The following TMEM132D variants were observed in gnomAD, a reference collection of about 807,000 sequenced individuals.
TMEM132D encodes mature OL transmembrane protein.
A neutral mutation model predicts 62.3 loss-of-function variants in TMEM132D; 21 were observed. The ratio of observed to expected loss-of-function variants is 0.34; its 90% CI spans 0.24 to 0.49. The LOEUF (loss-of-function observed/expected upper bound fraction) is 0.49. Ranked by LOEUF, TMEM132D falls within the 20% of genes least tolerant of loss-of-function variation. The pLI, the probability that TMEM132D is intolerant of heterozygous loss-of-function variation, is 0.99. For synonymous variants in TMEM132D, 621 were observed against 575.6 expected, an observed-to-expected ratio of 1.08 and a Z score of -1.13; for missense variants, 1,346 against 1,402.8, an observed-to-expected ratio of 0.96 and a Z score of 0.65.
At chr12:129,849,567 C>A (rs976139336) in intron 1 of TMEM132D, among the ~76,000 whole-genome samples, 1 of 152,136 alleles carries the variant, frequency 6.6e-6, no homozygotes, top group East Asian at 1.9e-4. Context: ...AATTACAATA[C>A]CATTGACACT....
chr12:129,330,217 T>C (rs183965203), intron 4 of TMEM132D, among the ~76,000 whole-genome samples: 28 of 152,298 alleles, frequency 1.8e-4, no homozygotes, highest in African/African-American at 6.0e-4. Context: ...TCTGCTTAGC[T>C]TCACCTGTAG....
intron 2 of TMEM132D, among the ~76,000 whole-genome samples, chr12:129,602,445 T>G (rs544066660): frequency 6.6e-6 from 1 of 151,134 alleles, no homozygotes; most frequent in Non-Finnish European, 1.5e-5. Context: ...AATGGTAATA[T>G]GCAAAGTAAG....
At chr12:129,278,707 C>T (rs7967090) in intron 4 of TMEM132D, among the ~76,000 whole-genome samples, 134,651 of 152,224 alleles carry the variant, frequency 0.88, 60,643 homozygotes, top group Non-Finnish European at 0.98. Flanking sequence ...TTAAAAGGGA[C>T]CAAGCTTCCT....
At chr12:129,463,567 G>A (rs1873762128) in intron 3 of TMEM132D, among the ~76,000 whole-genome samples, 1 of 151,836 alleles carries the variant, frequency 6.6e-6, no homozygotes. Context: ...TTGGTGTGCT[G>A]CACCCATTAA....
intron 3 of TMEM132D, among the ~76,000 whole-genome samples, chr12:129,363,890 T>C (rs541527584): frequency 6.6e-6 from 1 of 152,364 alleles, no homozygotes; most frequent in South Asian, 2.1e-4. Flanking sequence ...TACTAAAATC[T>C]CAGAAAGCCA....
At chr12:129,382,911 C>T (rs12305525) in intron 3 of TMEM132D, among the ~76,000 whole-genome samples, 9 of 152,224 alleles carry the variant, frequency 5.9e-5, no homozygotes, top group African/African-American at 2.2e-4. Context: ...TCAATCTGTA[C>T]CTTCCTGTTT....
intron 4 of TMEM132D, among the ~76,000 whole-genome samples, chr12:129,233,282 C>T (rs995270582): frequency 6.6e-5 from 10 of 152,166 alleles, no homozygotes; most frequent in South Asian, 4.1e-4. Context: ...CATCTGCACG[C>T]AACAGTTCTT....
chr12:129,462,722 C>T (rs1022926773), intron 3 of TMEM132D, among the ~76,000 whole-genome samples: 2 of 152,064 alleles, frequency 1.3e-5, no homozygotes, highest in African/African-American at 4.8e-5. Flanking sequence ...TTTTGGCTAC[C>T]CTTGGGATAT....
intron 4 of TMEM132D, among the ~76,000 whole-genome samples, chr12:129,235,795 T>C (rs1879763008): frequency 6.6e-6 from 1 of 152,164 alleles, no homozygotes; most frequent in Non-Finnish European, 1.5e-5. Context: ...GGCTTTCTTC[T>C]TTTTTGCTCA....
In TMEM132D at chr12:129,731,089, T is replaced by C. The variant is rs114820418; in HGVS notation, c.80-30391A>G. 5.3e-3 allele frequency among the ~76,000 whole-genome samples: 806 copies of C among 152,240 alleles called. 4 individuals carry two copies. The highest frequency in any genetic ancestry group is 0.019 in the African/African-American group (776 of 41,530). On this transcript the variant is annotated intron_variant, in intron 1 of 8. Transcript: ENST00000422113. The stretch of plus-strand genomic sequence containing the variant: ...TGATTAATACACCAGGGGTGTGCTC[T>C]CTGAGGGCAGATGCTATTTCAATTG...
At chr12:129,722,193 T>C (rs1484246924) in intron 1 of TMEM132D, among the ~76,000 whole-genome samples, 1 of 152,182 alleles carries the variant, frequency 6.6e-6, no homozygotes, top group Non-Finnish European at 1.5e-5. Context: ...TCCTAACTCC[T>C]CCTTTCCAAT....
chr12:129,711,820 A>C (rs1438789425), intron 1 of TMEM132D, among the ~76,000 whole-genome samples: 1 of 148,332 alleles, frequency 6.7e-6, no homozygotes, highest in Non-Finnish European at 1.5e-5. Context: ...TTTACATTAT[A>C]TATTATATAA....
intron 2 of TMEM132D, among the ~76,000 whole-genome samples, chr12:129,606,528 T>C (rs1052193636): frequency 6.6e-6 from 1 of 152,090 alleles, no homozygotes; most frequent in Non-Finnish European, 1.5e-5. Context: ...GGCTCTGATG[T>C]GAGCAGGCAG....
At chr12:129,180,881 G>A (rs1878046083) in intron 5 of TMEM132D, among the ~76,000 whole-genome samples, 1 of 152,094 alleles carries the variant, frequency 6.6e-6, no homozygotes, top group South Asian at 2.1e-4. Flanking sequence ...GGGGCCAGAT[G>A]ATACTGAGCC....
chr12:129,750,351 C>T (rs1869960493), intron 1 of TMEM132D, among the ~76,000 whole-genome samples: 1 of 152,146 alleles, frequency 6.6e-6, no homozygotes, highest in African/African-American at 2.4e-5. Flanking sequence ...TCCCAAAGTG[C>T]TGGGATTACA....
In TMEM132D at chr12:129,308,113, T is replaced by A. The variant is rs139260328; in HGVS notation, c.1299+29521A>T. Among the ~76,000 whole-genome samples, 483 of 152,344 alleles carry A rather than the reference T, an allele frequency of 3.2e-3. 5 individuals carry two copies. The highest frequency in any genetic ancestry group is 0.011 in the African/African-American group (459 of 41,576). On this transcript the variant is annotated intron_variant, in intron 4 of 8. Coordinates refer to ENST00000422113, the MANE Select transcript of TMEM132D (RefSeq NM_133448.3). ...ACCTCTTTAGTTCTTCAAGCCTCAG[T>A]TTATAGGCTGACCCTATCTGATCTT...
At chr12:129,753,994 C>T (rs879582962) in intron 1 of TMEM132D, among the ~76,000 whole-genome samples, 6 of 152,140 alleles carry the variant, frequency 3.9e-5, no homozygotes, top group Non-Finnish European at 5.9e-5. Flanking sequence ...GAAGAATAAA[C>T]AGCAACTTTG....
chr12:129,670,348 T>C (rs1880474348), intron 2 of TMEM132D, among the ~76,000 whole-genome samples: 1 of 152,176 alleles, frequency 6.6e-6, no homozygotes, highest in Non-Finnish European at 1.5e-5. Context: ...GTTTGGGAGT[T>C]ATGCAGCTGG....
At chr12:129,111,458 T>C (rs1225307598) in intron 5 of TMEM132D, 1 of 152,250 alleles carries the variant, frequency 6.6e-6, no homozygotes, top group East Asian at 1.9e-4. Flanking sequence ...GTGAGACTCC[T>C]CAGCCAGGCC....
Sources: gnomAD v4.1 joint callset for allele counts (sites outside exome capture counted in the v4.1 genomes callset) on GRCh38, gnomAD v4.1.1 for gene constraint, MANE v1.5 for transcripts, NCBI Gene and HGNC (gene_info 2026-07-23, HGNC 2026-07-21) for gene names.